Variants in UNC5C observed in about 807,000 individuals in gnomAD.
The protein encoded by UNC5C is unc-5 netrin receptor C.
A neutral mutation model predicts 99.8 loss-of-function variants in UNC5C; 47 were observed. That is an observed-to-expected ratio of 0.47 (90% CI 0.37 to 0.60). The LOEUF is 0.60. UNC5C is among the 20% of genes least tolerant of loss of function. UNC5C has a pLI of 0.00. For synonymous variants in UNC5C, 487 were observed against 452.2 expected, an observed-to-expected ratio of 1.08 and a Z score of -0.98; for missense variants, 1,062 against 1,165.9, an observed-to-expected ratio of 0.91 and a Z score of 1.30.
chr4:95,327,937 C>G (rs932469147), intron 2 of UNC5C, among the ~76,000 whole-genome samples: 1 of 151,480 alleles, frequency 6.6e-6, no homozygotes, highest in African/African-American at 2.4e-5. Context: ...ACTGACTCTT[C>G]ACGGAGCTGT....
intron 7 of UNC5C, among the ~76,000 whole-genome samples, chr4:95,223,712 C>A (rs943576364): frequency 5.3e-5 from 8 of 152,042 alleles, no homozygotes; most frequent in African/African-American, 1.9e-4. Flanking sequence ...TTTTAAACAC[C>A]ACTGCCTGGT....
intron 1 of UNC5C, among the ~76,000 whole-genome samples, chr4:95,398,025 G>A (rs182698853): frequency 2.9e-5 from 4 of 138,190 alleles, no homozygotes; most frequent in Non-Finnish European, 6.0e-5. Flanking sequence ...ATTTCCCAAT[G>A]AGAAGTAGCC....
chr4:95,259,251 A>G (rs1740130246), intron 4 of UNC5C, among the ~76,000 whole-genome samples: 1 of 152,168 alleles, frequency 6.6e-6, no homozygotes, highest in African/African-American at 2.4e-5. Flanking sequence ...ACCCATTATA[A>G]GGTTCTTAAA....
intron 1 of UNC5C, among the ~76,000 whole-genome samples, chr4:95,406,405 G>A (rs1440619427): frequency 2.0e-5 from 3 of 152,136 alleles, no homozygotes; most frequent in East Asian, 1.9e-4. Context: ...CATAGGTACC[G>A]TGGCAGGATT....
At chr4:95,196,131 G>A (rs565455070) in intron 12 of UNC5C, among the ~76,000 whole-genome samples, 5 of 152,100 alleles carry the variant, frequency 3.3e-5, no homozygotes, top group African/African-American at 7.2e-5. Context: ...CCACATAGAC[G>A]TATGTTTCTC....
At chr4:95,290,891 A>C (rs1385267793) in intron 3 of UNC5C, among the ~76,000 whole-genome samples, 1 of 152,308 alleles carries the variant, frequency 6.6e-6, no homozygotes, top group East Asian at 1.9e-4. Context: ...ATCTGCAGCA[A>C]GTCAGCAGAA....
At chr4:95,367,302 G>T (rs2149437385) in intron 1 of UNC5C, among the ~76,000 whole-genome samples, 1 of 149,982 alleles carries the variant, frequency 6.7e-6, no homozygotes, top group Admixed American at 6.7e-5. Context: ...ACAAGTAGTT[G>T]GGATTATGGG....
chr4:95,174,504 A>G (rs1016536346), intron 14 of UNC5C, among the ~76,000 whole-genome samples: 4 of 152,206 alleles, frequency 2.6e-5, no homozygotes, highest in Admixed American at 6.5e-5. Context: ...TTATTTACCC[A>G]GTAGTCATTC....
At chr4:95,220,240 A>G in intron 7 of UNC5C, 64 bp from the exon 8 acceptor site, 2 of 1,368,656 alleles carry the variant, frequency 1.5e-6, no homozygotes, top group South Asian at 3.3e-5. Context: ...ACACATATGT[A>G]TTGCTATAAT....
intron 1 of UNC5C, among the ~76,000 whole-genome samples, chr4:95,516,555 G>T (rs1385045934): frequency 6.6e-6 from 1 of 152,164 alleles, no homozygotes; most frequent in Non-Finnish European, 1.5e-5. Flanking sequence ...AAAGCTGGGG[G>T]CGGAGTGTGT....
intron 2 of UNC5C, among the ~76,000 whole-genome samples, chr4:95,321,007 A>G (rs778583363): frequency 7.2e-5 from 11 of 152,156 alleles, no homozygotes; most frequent in East Asian, 1.9e-4. Flanking sequence ...GTGAAACACA[A>G]CTTGCTAAAA....
intron 1 of UNC5C, among the ~76,000 whole-genome samples, chr4:95,518,440 A>G (rs1482782133): frequency 6.6e-6 from 1 of 152,198 alleles, no homozygotes; most frequent in Non-Finnish European, 1.5e-5. Context: ...GAAAAATCTG[A>G]TTTCATAATT....
intron 1 of UNC5C, among the ~76,000 whole-genome samples, chr4:95,471,811 C>T (rs151280262): frequency 1.4e-4 from 21 of 152,014 alleles, no homozygotes; most frequent in African/African-American, 4.6e-4. Context: ...AAAAACTTTA[C>T]GCCTGTATGC....
At chr4:95,346,706 A>G (rs984373951) in intron 1 of UNC5C, among the ~76,000 whole-genome samples, 3 of 152,024 alleles carry the variant, frequency 2.0e-5, no homozygotes, top group Non-Finnish European at 4.4e-5. Context: ...ATTTGATAAA[A>G]TTCAACATCC....
intron 1 of UNC5C, among the ~76,000 whole-genome samples, chr4:95,531,391 C>A (rs1722637576): frequency 6.6e-6 from 1 of 152,158 alleles, no homozygotes; most frequent in East Asian, 1.9e-4. Context: ...AGTTAAAGAC[C>A]AGTGCACAGC....
intron 1 of UNC5C, among the ~76,000 whole-genome samples, chr4:95,447,328 T>G (rs1320270248): frequency 1.3e-5 from 2 of 152,196 alleles, no homozygotes; most frequent in African/African-American, 4.8e-5. Context: ...TATCACACAT[T>G]TTGCTTAACT....
intron 1 of UNC5C, among the ~76,000 whole-genome samples, chr4:95,387,442 T>G (rs982034909): frequency 6.6e-6 from 1 of 152,180 alleles, no homozygotes; most frequent in African/African-American, 2.4e-5. Context: ...AGCTGACTCC[T>G]TTTTGTTTGA....
chr4:95,186,381 T>G (rs1736830776), intron 12 of UNC5C, among the ~76,000 whole-genome samples: 2 of 152,288 alleles, frequency 1.3e-5, no homozygotes, highest in South Asian at 2.1e-4. Context: ...TGGGTCGCAG[T>G]GGAGGATTTC....
At chr4:95,413,221 C>A (rs1273810597) in intron 1 of UNC5C, among the ~76,000 whole-genome samples, 1 of 152,158 alleles carries the variant, frequency 6.6e-6, no homozygotes, top group Non-Finnish European at 1.5e-5. Flanking sequence ...CTGAGGCAAA[C>A]CCTGGTCAGT....
Sources: gnomAD v4.1 joint callset for allele counts (sites outside exome capture counted in the v4.1 genomes callset) on GRCh38, gnomAD v4.1.1 for gene constraint, MANE v1.5 for transcripts, NCBI Gene and HGNC (gene_info 2026-07-23, HGNC 2026-07-21) for gene names.